Variants in PRDM11 observed in about 807,000 individuals in gnomAD.
PRDM11 encodes the protein PR/SET domain 11.
Under a neutral mutation model 97.8 loss-of-function variants are expected in PRDM11, and 20 were observed. The ratio of observed to expected loss-of-function variants is 0.20; its 90% CI spans 0.14 to 0.30. PRDM11 has a LOEUF of 0.30. Ranked by LOEUF, PRDM11 falls within the 10% of genes least tolerant of loss-of-function variation. The pLI is 1.00. For missense variants in PRDM11, 1,139 were observed against 1,555.2 expected (o/e 0.73, Z 4.50); for synonymous variants, 599 against 637.7 (o/e 0.94, Z 0.91).
chr11:45,135,753 T>C (rs981417289), intron 1 of PRDM11, among the ~76,000 whole-genome samples: 4 of 152,158 alleles, frequency 2.6e-5, no homozygotes, highest in African/African-American at 9.7e-5. Flanking sequence ...AATTAACCTA[T>C]AAATTTAATG....
intron 1 of PRDM11, among the ~76,000 whole-genome samples, chr11:45,127,480 G>T (rs1852602261): frequency 6.6e-6 from 1 of 152,120 alleles, no homozygotes; most frequent in Admixed American, 6.5e-5. Flanking sequence ...TCTACTTTTG[G>T]TCTTTGATGA....
chr11:45,137,070 G>A (rs1017868600), intron 1 of PRDM11, among the ~76,000 whole-genome samples: 6 of 152,048 alleles, frequency 3.9e-5, no homozygotes, highest in Non-Finnish European at 7.4e-5. Context: ...GGCTGAGGCA[G>A]GAGAATTTCT....
chr11:45,180,263 A>G lies in PRDM11; in HGVS notation c.-6-1498A>G, dbSNP rs554666821. On this transcript the variant is annotated intron_variant, in intron 1 of 7. Transcript: ENST00000683152. Reference sequence around the variant, plus strand: ...GAGCACCCAGCGGGGAGTCCCTGGCATAACGCAGCCAGGAGGCAGTAGAGT... The same window carrying G: ...GAGCACCCAGCGGGGAGTCCCTGGCGTAACGCAGCCAGGAGGCAGTAGAGT... Among the ~76,000 whole-genome samples the G allele has an allele frequency of 1.9e-3, 297 of 152,318 alleles. 4 individuals are homozygous for G. Among genetic ancestry groups the G allele is most frequent in the African/African-American group, 6.7e-3 (278 of 41,596 alleles).
chr11:45,180,591 C>G (rs865942042), intron 1 of PRDM11, among the ~76,000 whole-genome samples: 1 of 151,414 alleles, frequency 6.6e-6, no homozygotes, highest in Non-Finnish European at 1.5e-5. Context: ...GCGCGCCCCC[C>G]TCCCGGCCGC....
intron 1 of PRDM11, among the ~76,000 whole-genome samples, chr11:45,110,859 T>A (rs1036692614): frequency 6.6e-6 from 1 of 152,244 alleles, no homozygotes; most frequent in Non-Finnish European, 1.5e-5. Flanking sequence ...CCACTGGTTC[T>A]GCTCCTGGGT....
intron 4 of PRDM11, among the ~76,000 whole-genome samples, chr11:45,189,638 G>A (rs1163794717): frequency 6.6e-6 from 1 of 152,216 alleles, no homozygotes; most frequent in Non-Finnish European, 1.5e-5. Context: ...CTGGGGAGAA[G>A]CAGATATGAA....
chr11:45,184,056 G>A (rs573500659), intron 4 of PRDM11, among the ~76,000 whole-genome samples: 1 of 152,340 alleles, frequency 6.6e-6, no homozygotes, highest in South Asian at 2.1e-4. Flanking sequence ...ATGGGTAGAG[G>A]TCAGAGAAGC....
intron 1 of PRDM11, among the ~76,000 whole-genome samples, chr11:45,180,673 G>T (rs1473034884): frequency 6.7e-6 from 1 of 150,240 alleles, no homozygotes; most frequent in Admixed American, 6.6e-5. Flanking sequence ...CCTGGCGGGC[G>T]GGGGGCGGGC....
At position 45,102,595 on chromosome 11, in the gene PRDM11, C is replaced by T; in HGVS notation, c.96+6694C>T. 1.3e-5 allele frequency among the ~76,000 whole-genome samples: 2 copies of T among 152,206 alleles called. 1 individual carries two copies. The highest frequency in any genetic ancestry group is 6.8e-3 in the Middle Eastern group (2 of 294). ...TCACACCGTGCCACAGCCTCCTTCC[C>T]CCATACCACCCCAGTCCATTAGGTC... On this transcript the variant is annotated intron_variant, in intron 1 of 6. Transcript: ENST00000530656.
intron 1 of PRDM11, 47 bp from the exon 2 acceptor site, chr11:45,181,714 G>T (rs1308535132): frequency 6.5e-7 from 1 of 1,545,210 alleles, no homozygotes; most frequent in Non-Finnish European, 8.9e-7. Flanking sequence ...CTCTTCCCCT[G>T]TTTCTTTGAT....
At position 45,211,982 on chromosome 11, in the gene PRDM11, C is replaced by T. The variant is rs371193961; in HGVS notation, c.554+7204C>T. Among the ~76,000 whole-genome samples, 8 of 152,334 alleles carry T rather than the reference C, an allele frequency of 5.3e-5. No individual in the cohort carries two copies. In the South Asian group the frequency reaches 8.3e-4, roughly 16 times the overall value. ...AGTCTGGTGCTCAGAGGGCCAAGAGCGTCTTAGTACCTTTAGGCAGGTGCC... is the reference window on the plus strand; with the variant it reads ...AGTCTGGTGCTCAGAGGGCCAAGAGTGTCTTAGTACCTTTAGGCAGGTGCC... On this transcript the variant is annotated intron_variant, in intron 5 of 7. Transcript: ENST00000683152.
At position 45,219,951 on chromosome 11, in the gene PRDM11, C is replaced by T. The variant is rs1006362507; in HGVS notation, c.742+194C>T. 6.6e-6 allele frequency among the ~76,000 whole-genome samples: 1 copy of T among 152,106 alleles called. No homozygotes were observed. Among genetic ancestry groups the T allele is most frequent in the African/African-American group, 2.4e-5 (1 of 41,442 alleles). ...GGGCCACCCCAGCATGTTATCGACC[C>T]CTAGAAATGGTCTCAGAAATCCTTA... On this transcript the variant is annotated intron_variant, in intron 6 of 7. Transcript: ENST00000683152. This position sits in a 1 kb window ranked among gnomAD's most constrained non-coding sequence, Gnocchi z 4.2.
chr11:45,168,171 C>T (rs796992658), intron 1 of PRDM11, among the ~76,000 whole-genome samples: 3 of 151,732 alleles, frequency 2.0e-5, no homozygotes, highest in South Asian at 2.1e-4. Context: ...GATGGAACAG[C>T]GAGGGAGGGA....
intron 1 of PRDM11, among the ~76,000 whole-genome samples, chr11:45,168,920 C>T (rs1377475498): frequency 5.9e-5 from 9 of 152,218 alleles, no homozygotes. Flanking sequence ...ACAGGCCACA[C>T]CCCCTTCTCC....
chr11:45,096,517 G>A (rs1391712839), intron 1 of PRDM11, among the ~76,000 whole-genome samples: 2 of 152,140 alleles, frequency 1.3e-5, no homozygotes, highest in African/African-American at 4.8e-5. Context: ...GCAGGGTCCT[G>A]GGATGTAAGC....
chr11:45,113,066 A>G (rs555701002), intron 1 of PRDM11, among the ~76,000 whole-genome samples: 2 of 152,298 alleles, frequency 1.3e-5, no homozygotes, highest in African/African-American at 2.4e-5. Context: ...GTTATCTTCT[A>G]GAGATGTTAT....
At chr11:45,111,697 G>A (rs868387768) in intron 1 of PRDM11, among the ~76,000 whole-genome samples, 2 of 152,182 alleles carry the variant, frequency 1.3e-5, no homozygotes, top group Middle Eastern at 3.4e-3. Flanking sequence ...CGAACCCTCC[G>A]GGCTCTGTCG....
At chr11:45,101,567 A>AAAAAAAAGAAGAAGAAGAAGAAG (rs767802218) in intron 1 of PRDM11, among the ~76,000 whole-genome samples, 5 of 96,834 alleles carry the variant, frequency 5.2e-5, no homozygotes, top group African/African-American at 2.0e-4. Context: ...AAAAAAAAAA[A>AAAAAAAAGAAGAAGAAGAAGAAG]AAGAAGAAGA....
intron 5 of PRDM11, among the ~76,000 whole-genome samples, chr11:45,216,731 G>C (rs151313622): frequency 4.2e-4 from 64 of 152,316 alleles, no homozygotes; most frequent in African/African-American, 1.4e-3. Context: ...AAAATACTTT[G>C]TGATTTATAC....
Sources: gnomAD v4.1 joint callset for allele counts (sites outside exome capture counted in the v4.1 genomes callset) on GRCh38, gnomAD v4.1.1 for gene constraint, Gnocchi (gnomAD v3.1) non-coding constraint, MANE v1.5 for transcripts, NCBI Gene and HGNC (gene_info 2026-07-23, HGNC 2026-07-21) for gene names.